Variants in CDK14 observed in about 807,000 individuals in gnomAD.
CDK14 encodes the protein cyclin dependent kinase 14.
CDK14 carries 34 observed loss-of-function variants against 60.7 expected under a neutral mutation model. The observed-to-expected ratio is 0.56, with a 90% confidence interval of 0.43 to 0.75. The LOEUF (loss-of-function observed/expected upper bound fraction) is 0.75, where lower values mean the gene tolerates loss of function less well. Ranked by LOEUF, CDK14 falls within the 30% of genes least tolerant of loss-of-function variation. The pLI, the probability that CDK14 is intolerant of heterozygous loss-of-function variation, is 0.00. For missense variants in CDK14, 482 were observed against 564.1 expected, an observed-to-expected ratio of 0.85 and a Z score of 1.47; for synonymous variants, 197 against 203.7, an observed-to-expected ratio of 0.97 and a Z score of 0.28.
At chr7:90,630,752 G>A (rs1036566557) in intron 2 of CDK14, among the ~76,000 whole-genome samples, 3 of 152,028 alleles carry the variant, frequency 2.0e-5, no homozygotes, top group Non-Finnish European at 4.4e-5. Flanking sequence ...AATAAAAATT[G>A]TTGAGAATAT....
chr7:90,670,803 A>C (rs1801081104), intron 2 of CDK14, among the ~76,000 whole-genome samples: 1 of 152,132 alleles, frequency 6.6e-6, no homozygotes, highest in Non-Finnish European at 1.5e-5. Context: ...CTTACATTTC[A>C]ACATGAAATT....
chr7:91,052,799 G>A (rs1797428066), intron 11 of CDK14, among the ~76,000 whole-genome samples: 1 of 152,186 alleles, frequency 6.6e-6, no homozygotes, highest in Admixed American at 6.5e-5. Context: ...TTAGCCAATG[G>A]AAAAGACTAT....
intron 10 of CDK14, among the ~76,000 whole-genome samples, chr7:90,999,425 T>TA (rs11291818): frequency 1.0e-4 from 15 of 147,202 alleles, no homozygotes; most frequent in South Asian, 2.2e-4. Context: ...CGTCTCTACT[T>TA]AAAAAAAAAA....
intron 9 of CDK14, among the ~76,000 whole-genome samples, chr7:90,961,354 G>GT (rs200687857): frequency 2.0e-5 from 3 of 151,820 alleles, no homozygotes; most frequent in Non-Finnish European, 4.4e-5. Flanking sequence ...GCAAGGAAGA[G>GT]TTTTTTAAAA....
At chr7:90,993,061 G>A (rs996969137) in intron 10 of CDK14, among the ~76,000 whole-genome samples, 1 of 152,148 alleles carries the variant, frequency 6.6e-6, no homozygotes, top group South Asian at 2.1e-4. Context: ...GAGGAAGAAT[G>A]TCCAGAGGAT....
chr7:91,013,802 A>T (rs1212503215), intron 10 of CDK14, among the ~76,000 whole-genome samples: 1 of 152,048 alleles, frequency 6.6e-6, no homozygotes, highest in African/African-American at 2.4e-5. Context: ...TTGAGGGAAC[A>T]TGTAATGAAG....
intron 8 of CDK14, among the ~76,000 whole-genome samples, chr7:90,935,990 C>A (rs577982844): frequency 6.6e-6 from 1 of 151,502 alleles, no homozygotes; most frequent in African/African-American, 2.4e-5. Context: ...TGCAGTGAGT[C>A]ATGATTTTGC....
At chr7:90,815,803 A>T (rs1188959278) in intron 5 of CDK14, among the ~76,000 whole-genome samples, 3 of 152,316 alleles carry the variant, frequency 2.0e-5, no homozygotes, top group African/African-American at 7.2e-5. Flanking sequence ...CATTCTCAGC[A>T]AACTAACACA....
chr7:90,700,972 C>T (rs1224989612), intron 2 of CDK14, among the ~76,000 whole-genome samples: 4 of 152,134 alleles, frequency 2.6e-5, no homozygotes, highest in African/African-American at 7.2e-5. Flanking sequence ...ATCTTTCAGT[C>T]GTGAAATACA....
intron 2 of CDK14, among the ~76,000 whole-genome samples, chr7:90,638,942 A>C (rs1322285579): frequency 1.3e-5 from 2 of 151,934 alleles, no homozygotes; most frequent in African/African-American, 4.8e-5. Flanking sequence ...AGGCTTCTGC[A>C]TTCTTCACGT....
chr7:90,876,483 A>G (rs1791566868), intron 6 of CDK14, among the ~76,000 whole-genome samples: 1 of 152,220 alleles, frequency 6.6e-6, no homozygotes, highest in African/African-American at 2.4e-5. Flanking sequence ...CATGTTTTCG[A>G]CTTCCATATA....
chr7:90,794,252 G>A (rs1805957485), intron 5 of CDK14, among the ~76,000 whole-genome samples: 1 of 152,122 alleles, frequency 6.6e-6, no homozygotes, highest in Non-Finnish European at 1.5e-5. Context: ...GAGATCACAG[G>A]ACCGGGGCGA....
intron 5 of CDK14, among the ~76,000 whole-genome samples, chr7:90,850,751 G>A (rs1562797991): frequency 1.3e-5 from 2 of 152,132 alleles, no homozygotes; most frequent in Admixed American, 6.6e-5. Flanking sequence ...CTGTTGTGCG[G>A]GCTCTTCTAA....
chr7:91,151,678 G>C (rs1800831994), intron 14 of CDK14, among the ~76,000 whole-genome samples: 1 of 152,150 alleles, frequency 6.6e-6, no homozygotes, highest in South Asian at 2.1e-4. Flanking sequence ...AAGGTCACTT[G>C]TGTTCATTGT....
At chr7:91,122,428 C>T (rs1261558893) in intron 14 of CDK14, among the ~76,000 whole-genome samples, 4 of 152,142 alleles carry the variant, frequency 2.6e-5, no homozygotes, top group Non-Finnish European at 5.9e-5. Flanking sequence ...TTAGACAGAA[C>T]ACAATGCACT....
chr7:90,763,317 T>C (rs1013590601), intron 4 of CDK14, among the ~76,000 whole-genome samples: 9 of 152,114 alleles, frequency 5.9e-5, no homozygotes, highest in Non-Finnish European at 1.3e-4. Flanking sequence ...AAGTGGAAGC[T>C]GCCAATATTT....
intron 2 of CDK14, among the ~76,000 whole-genome samples, chr7:90,647,458 C>T (rs978071865): frequency 1.6e-4 from 24 of 151,088 alleles, no homozygotes; most frequent in African/African-American, 5.6e-4. Flanking sequence ...ACTTTAAGTA[C>T]GTTAAAATGA....
intron 5 of CDK14, among the ~76,000 whole-genome samples, chr7:90,846,529 C>T (rs1174151747): frequency 6.6e-6 from 1 of 152,128 alleles, no homozygotes; most frequent in Admixed American, 6.6e-5. Flanking sequence ...CTGCACATTT[C>T]CATCACACTA....
chr7:91,115,494 G>C (rs373018593), intron 13 of CDK14, among the ~76,000 whole-genome samples: 2 of 152,030 alleles, frequency 1.3e-5, no homozygotes, highest in African/African-American at 4.8e-5. Context: ...TCACATTAGG[G>C]GTTAGGGCTT....
Sources: gnomAD v4.1 joint callset for allele counts (sites outside exome capture counted in the v4.1 genomes callset) on GRCh38, gnomAD v4.1.1 for gene constraint, MANE v1.5 for transcripts, NCBI Gene and HGNC (gene_info 2026-07-23, HGNC 2026-07-21) for gene names.